The following LIPA variants were observed in gnomAD, a reference collection of about 807,000 sequenced individuals.
LIPA encodes the protein lysosomal acid lipase/cholesteryl ester hydrolase.
In LIPA, 26 loss-of-function variants were observed where a neutral mutation model predicts 40.6. The ratio of observed to expected loss-of-function variants is 0.64; its 90% CI spans 0.47 to 0.89. The LOEUF is 0.89. LIPA is among the 40% of genes least tolerant of loss of function. The pLI is 0.00. For synonymous variants in LIPA, 188 were observed against 168.4 expected, an observed-to-expected ratio of 1.12 and a Z score of -0.90; for missense variants, 455 against 479.6, an observed-to-expected ratio of 0.95 and a Z score of 0.48.
upstream of LIPA, among the ~76,000 whole-genome samples, chr10:89,346,494 T>G (rs1340555311): frequency 6.6e-6 from 1 of 152,206 alleles, no homozygotes; most frequent in Non-Finnish European, 1.5e-5. Flanking sequence ...ATAAAATGAT[T>G]TTCTCTTTGC....
Position 89,213,889 on chromosome 10 carries a change from C to G in LIPA, c.*939G>C, listed in dbSNP as rs774820637. The G allele has an allele frequency of 6.6e-6, 1 of 152,328 alleles. No individual in the cohort carries two copies. The highest frequency in any genetic ancestry group is 2.1e-4 in the South Asian group (1 of 4,834). 9.4% of individuals were successfully genotyped at this position (152,328 alleles called of 1,614,324 possible). A position where few individuals can be genotyped will look rare whatever the true frequency, so the allele number is the denominator to read the frequency against. On this transcript the variant is annotated 3_prime_UTR_variant, in exon 10 of 10. Coordinates refer to ENST00000336233, the MANE Select transcript of LIPA (RefSeq NM_000235.4). ...GCTGAGTTTGCATCCGAAAACATCA[C>G]GTTCACACTTCATTTGGGTGAAAAT...
chr10:89,298,069 T>A (rs1289009653), intron 1 of LIPA, among the ~76,000 whole-genome samples: 5 of 152,192 alleles, frequency 3.3e-5, no homozygotes, highest in African/African-American at 1.2e-4. Flanking sequence ...CAGTGTACAC[T>A]TATCAGAACC....
Position 89,372,337 on chromosome 10 carries a change from A to G in LIPA, c.61+40454T>C, listed in dbSNP as rs542203409. ...TCACAGACTAGACAGTCTTGGAAGT[A>G]TTCTTCCAGTGGGGGAGACAACAGG... On this transcript the variant is annotated intron_variant, in intron 2 of 8. Coordinates refer to the LIPA transcript ENST00000371837. 2.4e-4 allele frequency among the ~76,000 whole-genome samples: 36 copies of G among 152,350 alleles called. No homozygotes were observed. The East Asian group carries it at 6.7e-3, about 29-fold the overall frequency.
intron 1 of LIPA, among the ~76,000 whole-genome samples, chr10:89,335,902 T>C (rs75479120): frequency 0.021 from 3,228 of 152,336 alleles, 125 homozygotes; most frequent in African/African-American, 0.072. Flanking sequence ...TGGTATTCAT[T>C]TTTTAAATAA....
In LIPA at chr10:89,362,734, G is replaced by T. The variant is rs533702800; in HGVS notation, c.61+50057C>A. ...AGAATGGAGTGTCCTGAGATGAACT[G>T]TGAGGAAGGATGGGCCTTGGCGAAG... is the stretch of plus-strand genomic sequence containing the variant. On this transcript the variant is annotated intron_variant, in intron 2 of 8. Coordinates refer to the LIPA transcript ENST00000371837. The T allele has an allele frequency of 3.2e-5, 24 of 745,262 alleles. 1 individual carries two copies. In the East Asian group the frequency reaches 7.4e-4, roughly 23 times the overall value. The allele number at this position is 745,262 out of a possible 1,614,324, so 46.2% of individuals were successfully genotyped here.
intron 2 of LIPA, among the ~76,000 whole-genome samples, chr10:89,409,625 G>A (rs1841455246): frequency 6.6e-6 from 1 of 152,174 alleles, no homozygotes; most frequent in Non-Finnish European, 1.5e-5. Flanking sequence ...TATAACCATT[G>A]AGGGGCAGGA....
rs747214463 is a variant in LIPA, at chr10:89,214,922, A to G, written c.1106T>C (p.Ile369Thr). ...QITNLVFHES[I>T]PEWEHLDFIW... Reference sequence around the variant, plus strand: ...GAAGTCAAGATGCTCCCATTCCGGAATGCTCTCATGGAACACCAAGTTGGT... The same window carrying G: ...GAAGTCAAGATGCTCCCATTCCGGAGTGCTCTCATGGAACACCAAGTTGGT... The change falls in exon 10 of 10, where the codon ATT (isoleucine) becomes ACT (threonine). Residue 369 changes from isoleucine (I) to threonine (T), a missense_variant. By Grantham distance (89) the Ile-to-Thr change is moderately conservative (BLOSUM62 -1). Coordinates refer to ENST00000336233, the MANE Select transcript of LIPA (RefSeq NM_000235.4). The G allele has an allele frequency of 1.9e-6, 3 of 1,614,114 alleles. No homozygotes were observed. The highest frequency in any genetic ancestry group is 3.3e-5 in the Admixed American group (2 of 60,024).
At chr10:89,245,638 A>G (rs753718655) in intron 3 of LIPA, 38 bp downstream of exon 3, 1 of 1,038,306 alleles carries the variant, frequency 9.6e-7, no homozygotes, top group Non-Finnish European at 1.5e-6. Context: ...CAAAACCCAG[A>G]AGAATTCTGG....
intron 2 of LIPA, among the ~76,000 whole-genome samples, chr10:89,382,700 G>A (rs772257816): frequency 2.6e-5 from 4 of 152,194 alleles, no homozygotes; most frequent in Non-Finnish European, 4.4e-5. Context: ...CCCTTGTGAG[G>A]TGGTTCCACC....
chr10:89,413,856 T>C (rs1841502373), intron 1 of LIPA, among the ~76,000 whole-genome samples: 2 of 151,770 alleles, frequency 1.3e-5, no homozygotes, highest in Non-Finnish European at 2.9e-5. Context: ...TCAATAAGGG[T>C]AAGGCCCGTG....
intron 1 of LIPA, chr10:89,339,636 T>G: frequency 6.2e-7 from 1 of 1,614,184 alleles, no homozygotes; most frequent in Non-Finnish European, 8.5e-7. Context: ...AGGGACTGAA[T>G]CCTCTGAATG....
Position 89,228,343 on chromosome 10 carries a change from C to T in LIPA, c.285G>A (p.Trp95Ter). 6.2e-7 allele frequency: 1 copy of T among 1,614,076 alleles called. No individual in the cohort carries two copies. Among genetic ancestry groups the T allele is most frequent in the Non-Finnish European group, 8.5e-7 (1 of 1,180,004 alleles). ...QHGLLADSSNWVTNLANSSLG... is the reference protein window; with the variant it reads ...QHGLLADSSN ...GGCTGCTGTTGGCAAGGTTTGTGACCCAGTTACTAGAATCTGCCAGCAAGC... is the reference window on the plus strand; with the variant it reads ...GGCTGCTGTTGGCAAGGTTTGTGACTCAGTTACTAGAATCTGCCAGCAAGC... Residue 95 changes from tryptophan (W) to a stop codon, truncating the protein, a stop_gained, in exon 4 of 10, where the codon TGG (tryptophan) becomes TGA (stop). Coordinates refer to ENST00000336233, the MANE Select transcript of LIPA (RefSeq NM_000235.4). LOFTEE classifies it high-confidence loss of function.
chr10:89,366,495 A>G (rs1000055959), intron 2 of LIPA, among the ~76,000 whole-genome samples: 13 of 152,058 alleles, frequency 8.5e-5, no homozygotes, highest in Admixed American at 2.6e-4. Flanking sequence ...ATAAGAAAAA[A>G]TTTTTTCACA....
intron 1 of LIPA, among the ~76,000 whole-genome samples, chr10:89,324,494 T>G (rs866408229): frequency 6.6e-6 from 1 of 152,080 alleles, no homozygotes; most frequent in Non-Finnish European, 1.5e-5. Flanking sequence ...CAAAAGCAAC[T>G]ACGACAAAAC....
intron 1 of LIPA, among the ~76,000 whole-genome samples, chr10:89,286,790 T>A (rs1843343604): frequency 6.6e-6 from 1 of 152,246 alleles, no homozygotes; most frequent in Non-Finnish European, 1.5e-5. Context: ...TAACCTTGCC[T>A]TCAAGGTGTA....
chr10:89,332,382 A>G, intron 1 of LIPA: 2 of 918,626 alleles, frequency 2.2e-6, no homozygotes, highest in Non-Finnish European at 3.0e-6. Flanking sequence ...AGTTTTCCAA[A>G]TCTGTCTGGA....
At chr10:89,318,904 G>A (rs1564784982) in intron 1 of LIPA, among the ~76,000 whole-genome samples, 1 of 152,080 alleles carries the variant, frequency 6.6e-6, no homozygotes, top group South Asian at 2.1e-4. Flanking sequence ...TCAGGATTAA[G>A]AAACTCACTC....
chr10:89,233,198 G>C (rs954472390), intron 3 of LIPA, among the ~76,000 whole-genome samples: 3 of 152,098 alleles, frequency 2.0e-5, no homozygotes, highest in Non-Finnish European at 4.4e-5. Flanking sequence ...TGAACAACAG[G>C]CACAAAAGAT....
intron 1 of LIPA, chr10:89,338,212 C>T (rs7917725): frequency 0.06 from 9,525 of 158,866 alleles, 702 homozygotes; most frequent in African/African-American, 0.18. Flanking sequence ...TGGAGACTGG[C>T]AAGTCCCATA....
Sources: allele counts gnomAD v4.1 joint callset (sites outside exome capture counted in the v4.1 genomes callset), GRCh38; gene constraint gnomAD v4.1.1; transcripts MANE v1.5; gene names NCBI Gene and HGNC (gene_info 2026-07-23, HGNC 2026-07-21).